SPAG16: variants seen among roughly 807,000 people sequenced by gnomAD.
SPAG16 encodes the protein sperm-associated antigen 16 protein.
In SPAG16, 86 loss-of-function variants were observed where a neutral mutation model predicts 80.4. The observed-to-expected ratio is 1.07, with a 90% CI of 0.90 to 1.28. The LOEUF is 1.28. Ranked by LOEUF, SPAG16 falls within the 50% of genes most tolerant of loss-of-function variation. The pLI is 0.00. For missense variants in SPAG16, 870 were observed against 765.3 expected (o/e 1.14, Z -1.61); for synonymous variants, 294 against 265.9 (o/e 1.11, Z -1.03).
chr2:213,373,963 C>T (rs998852974), intron 8 of SPAG16, among the ~76,000 whole-genome samples: 2 of 152,138 alleles, frequency 1.3e-5, no homozygotes, highest in African/African-American at 4.8e-5. Flanking sequence ...TTAATCTCAA[C>T]AAGCTGTAAT....
intron 10 of SPAG16, among the ~76,000 whole-genome samples, chr2:213,750,287 C>A (rs931122576): frequency 2.6e-5 from 4 of 152,092 alleles, no homozygotes; most frequent in Non-Finnish European, 5.9e-5. Context: ...TTCAAAGAGA[C>A]AATTTAACTT....
chr2:213,540,916 C>A (rs1465922574), intron 10 of SPAG16, among the ~76,000 whole-genome samples: 4 of 152,182 alleles, frequency 2.6e-5, no homozygotes, highest in Admixed American at 2.6e-4. Flanking sequence ...ATGTGAAAAT[C>A]TAGGGAGAGG....
intron 9 of SPAG16, among the ~76,000 whole-genome samples, chr2:213,433,540 C>G (rs896009741): frequency 1.3e-5 from 2 of 151,924 alleles, no homozygotes; most frequent in Non-Finnish European, 2.9e-5. Context: ...TATATTTAAC[C>G]AAGGAGATGA....
intron 10 of SPAG16, among the ~76,000 whole-genome samples, chr2:213,646,379 A>G (rs2062826475): frequency 6.6e-6 from 1 of 152,206 alleles, no homozygotes; most frequent in African/African-American, 2.4e-5. Flanking sequence ...CAATGAAGAA[A>G]GTATTATCAA....
intron 10 of SPAG16, among the ~76,000 whole-genome samples, chr2:213,648,459 C>T (rs1474292110): frequency 6.6e-6 from 1 of 152,150 alleles, no homozygotes; most frequent in African/African-American, 2.4e-5. Context: ...AGCTATAGAC[C>T]ACCTGCAGCT....
At chr2:214,085,617 C>T (rs2051689254) in intron 13 of SPAG16, among the ~76,000 whole-genome samples, 1 of 152,034 alleles carries the variant, frequency 6.6e-6, no homozygotes, top group Admixed American at 6.6e-5. Context: ...AAAATTTTTC[C>T]CCTACTGTTT....
intron 10 of SPAG16, among the ~76,000 whole-genome samples, chr2:213,775,479 C>G (rs1182119401): frequency 6.6e-6 from 1 of 152,156 alleles, no homozygotes; most frequent in African/African-American, 2.4e-5. Context: ...GATAACAACA[C>G]TTAACATAAG....
At chr2:213,503,531 G>A (rs545424625) in intron 10 of SPAG16, among the ~76,000 whole-genome samples, 11 of 152,062 alleles carry the variant, frequency 7.2e-5, no homozygotes, top group East Asian at 1.9e-4. Context: ...ATATTTTAAG[G>A]TGAGATCAAC....
intron 10 of SPAG16, among the ~76,000 whole-genome samples, chr2:213,581,718 T>C (rs2060304111): frequency 6.6e-6 from 1 of 152,124 alleles, no homozygotes; most frequent in South Asian, 2.1e-4. Flanking sequence ...CCTCTTGATT[T>C]GGTGATGTTA....
At chr2:213,284,876 C>A in intron 1 of SPAG16, 1 of 445,938 alleles carries the variant, frequency 2.2e-6, no homozygotes, top group Non-Finnish European at 3.9e-6. Context: ...TACTTAGTAA[C>A]CACTCAGTAC....
intron 10 of SPAG16, among the ~76,000 whole-genome samples, chr2:213,600,352 T>A (rs2061021219): frequency 6.6e-6 from 1 of 152,194 alleles, no homozygotes; most frequent in Non-Finnish European, 1.5e-5. Context: ...AGCCATGGAT[T>A]CTCTGCATCA....
chr2:213,612,713 C>T (rs571667374), intron 10 of SPAG16, among the ~76,000 whole-genome samples: 6 of 152,094 alleles, frequency 3.9e-5, no homozygotes, highest in African/African-American at 1.4e-4. Flanking sequence ...CAGTTTCGCT[C>T]TTGTTGCCCA....
intron 15 of SPAG16, among the ~76,000 whole-genome samples, chr2:214,192,625 A>G (rs981478611): frequency 2.9e-5 from 1 of 34,762 alleles, no homozygotes; most frequent in Non-Finnish European, 5.7e-5. Context: ...GTAGTATTGT[A>G]TATTCCTTTA....
chr2:213,566,125 T>G (rs1018170919), intron 10 of SPAG16, among the ~76,000 whole-genome samples: 1 of 152,094 alleles, frequency 6.6e-6, no homozygotes, highest in African/African-American at 2.4e-5. Context: ...CTTCAGAGTA[T>G]GGCAAAGTCA....
intron 10 of SPAG16, among the ~76,000 whole-genome samples, chr2:213,539,923 G>A (rs976937396): frequency 2.0e-5 from 3 of 151,790 alleles, no homozygotes; most frequent in Non-Finnish European, 4.4e-5. Context: ...TTAATGTACT[G>A]ACATATTTTG....
intron 10 of SPAG16, among the ~76,000 whole-genome samples, chr2:213,505,270 T>G (rs2074922817): frequency 6.6e-6 from 1 of 152,190 alleles, no homozygotes; most frequent in South Asian, 2.1e-4. Flanking sequence ...AACTACTAGC[T>G]GCAGTTGAAA....
At chr2:213,409,059 G>A (rs1460721882) in intron 9 of SPAG16, among the ~76,000 whole-genome samples, 1 of 149,954 alleles carries the variant, frequency 6.7e-6, no homozygotes. Context: ...TGGGGTGGGA[G>A]AATTTACATA....
intron 15 of SPAG16, among the ~76,000 whole-genome samples, chr2:214,212,516 G>A (rs942461148): frequency 6.6e-6 from 1 of 151,960 alleles, no homozygotes; most frequent in African/African-American, 2.4e-5. Context: ...GTGAAGTGAA[G>A]GCTTCACAAG....
intron 10 of SPAG16, among the ~76,000 whole-genome samples, chr2:213,804,751 A>G (rs2071657744): frequency 6.6e-6 from 1 of 152,212 alleles, no homozygotes; most frequent in Admixed American, 6.5e-5. Context: ...GACAGGAAGC[A>G]CAGAAGCATA....
Sources: allele counts gnomAD v4.1 joint callset (sites outside exome capture counted in the v4.1 genomes callset), GRCh38; gene constraint gnomAD v4.1.1; transcripts MANE v1.5; gene names NCBI Gene and HGNC (gene_info 2026-07-23, HGNC 2026-07-21).